Variants in MYBPC1 observed in about 807,000 individuals in gnomAD.
The protein encoded by MYBPC1 is myosin-binding protein C, slow-type.
A neutral mutation model predicts 147.1 loss-of-function variants in MYBPC1; 52 were observed. That is an observed-to-expected ratio of 0.35 (90% CI 0.28 to 0.45). The LOEUF is 0.45. Among genes scored for constraint, MYBPC1 ranks in the 20% least tolerant of loss-of-function variants. The pLI is 1.00. For missense variants in MYBPC1, 1,228 were observed against 1,440.3 expected (o/e 0.85, Z 2.39); for synonymous variants, 477 against 475.9 (o/e 1.00, Z -0.03).
intron 31 of MYBPC1, among the ~76,000 whole-genome samples, chr12:101,684,687 G>T (rs1951246943): frequency 6.6e-6 from 1 of 152,142 alleles, no homozygotes; most frequent in Non-Finnish European, 1.5e-5. Context: ...AGACAAAAAT[G>T]GGTGATACCC....
intron 3 of MYBPC1, among the ~76,000 whole-genome samples, chr12:101,623,878 C>T (rs867976026): frequency 1.3e-5 from 2 of 152,096 alleles, no homozygotes; most frequent in Non-Finnish European, 2.9e-5. Flanking sequence ...TTCTGAATAA[C>T]GGAATTCTTC....
At chr12:101,670,140 C>CACAA (rs1373883742) in intron 23 of MYBPC1, among the ~76,000 whole-genome samples, 181 bp from the exon 24 acceptor site, 1 of 151,712 alleles carries the variant, frequency 6.6e-6, no homozygotes, top group Non-Finnish European at 1.5e-5. Flanking sequence ...CACACACACA[C>CACAA]ACACACACAC....
At position 101,673,438 on chromosome 12, in the gene MYBPC1, A is replaced by G. The variant is rs977849007; in HGVS notation, c.2625A>G (p.Arg875=). 1.2e-6 allele frequency: 2 copies of G among 1,612,588 alleles called. No homozygotes were observed. Among genetic ancestry groups the G allele is most frequent in the African/African-American group, 2.7e-5 (2 of 74,896 alleles). The change falls in exon 25 of 32, where the codon AGA becomes AGG. Residue 875 remains arginine (R), a synonymous_variant. Coordinates refer to ENST00000361466, the MANE Select transcript of MYBPC1 (RefSeq NM_002465.4). ...NLVIPFQGKP[R]PELTWKKDGA... ...GTCTTTCTTTTTAGGGAAAACCAAGACCAGAATTAACTTGGAAGAAGGATG... is the reference window on the plus strand; with the variant it reads ...GTCTTTCTTTTTAGGGAAAACCAAGGCCAGAATTAACTTGGAAGAAGGATG...
chr12:101,624,942 T>G (rs1387282620), intron 3 of MYBPC1, among the ~76,000 whole-genome samples: 1 of 152,016 alleles, frequency 6.6e-6, no homozygotes, highest in East Asian at 1.9e-4. Context: ...GCAGAAGGGA[T>G]GGGTAGTGTT....
chr12:101,660,036 T>A, intron 19 of MYBPC1: 1 of 624,846 alleles, frequency 1.6e-6, no homozygotes. Flanking sequence ...CTCTCCAAAG[T>A]CATATTCCCT....
intron 18 of MYBPC1, among the ~76,000 whole-genome samples, chr12:101,653,578 A>G (rs914647311): frequency 7.9e-5 from 12 of 152,390 alleles, no homozygotes; most frequent in African/African-American, 2.6e-4. Flanking sequence ...GTCACTTTGG[A>G]TAGTAATAAG....
chr12:101,677,514 A>G, intron 27 of MYBPC1, 120 bp downstream of exon 27: 2 of 1,188,400 alleles, frequency 1.7e-6, no homozygotes, highest in Non-Finnish European at 2.4e-6. Context: ...TTGTAAAATT[A>G]TGATAATGGT....
downstream of MYBPC1, among the ~76,000 whole-genome samples, chr12:101,687,289 G>C (rs1355618535): frequency 6.6e-6 from 1 of 151,638 alleles, no homozygotes; most frequent in South Asian, 2.1e-4. Context: ...TGTTCTCATT[G>C]TTCAGCTCCC....
chr12:101,657,451 C>G (rs1895732706), intron 18 of MYBPC1, among the ~76,000 whole-genome samples: 1 of 152,170 alleles, frequency 6.6e-6, no homozygotes, highest in African/African-American at 2.4e-5. Flanking sequence ...GTATAACCCT[C>G]TAGCCGGGCT....
At chr12:101,622,539 A>C (rs1887662853) in intron 3 of MYBPC1, among the ~76,000 whole-genome samples, 1 of 152,188 alleles carries the variant, frequency 6.6e-6, no homozygotes, top group Non-Finnish European at 1.5e-5. Flanking sequence ...GTTTGAGACC[A>C]GCCTAGCCAA....
chr12:101,614,074 T>C (rs1885174323), intron 1 of MYBPC1, among the ~76,000 whole-genome samples: 2 of 152,168 alleles, frequency 1.3e-5, no homozygotes, highest in Admixed American at 1.3e-4. Context: ...GTGTTTCACT[T>C]CATCCTAACA....
chr12:101,682,485 G>T (rs1365415777), intron 29 of MYBPC1, 119 bp from the exon 30 acceptor site: 2 of 908,688 alleles, frequency 2.2e-6, no homozygotes, highest in Non-Finnish European at 1.7e-6. Context: ...AGCTGAAATT[G>T]TTTATCATCA....
At chr12:101,613,347 G>C (rs1019932954) in intron 1 of MYBPC1, among the ~76,000 whole-genome samples, 9 of 152,204 alleles carry the variant, frequency 5.9e-5, no homozygotes, top group Non-Finnish European at 5.9e-5. Context: ...CTTAACAAGA[G>C]TCACTTGTGG....
intron 12 of MYBPC1, among the ~76,000 whole-genome samples, 196 bp downstream of exon 12, chr12:101,644,992 T>C (rs1892771924): frequency 6.6e-6 from 1 of 152,238 alleles, no homozygotes; most frequent in Non-Finnish European, 1.5e-5. Context: ...CCTTTTTTTA[T>C]GTTTAATTCT....
downstream of MYBPC1, among the ~76,000 whole-genome samples, chr12:101,689,361 T>C (rs990297753): frequency 3.9e-5 from 6 of 152,200 alleles, no homozygotes; most frequent in African/African-American, 1.4e-4. Flanking sequence ...GAGATGCCTG[T>C]CATTGTATTA....
At chr12:101,647,194 G>A (rs971284907) in intron 13 of MYBPC1, among the ~76,000 whole-genome samples, 3 of 152,192 alleles carry the variant, frequency 2.0e-5, no homozygotes, top group African/African-American at 7.2e-5. Flanking sequence ...ATCACAAATA[G>A]GTTTCTCTTG....
intron 3 of MYBPC1, among the ~76,000 whole-genome samples, chr12:101,620,920 A>G (rs1887223255): frequency 6.6e-6 from 1 of 152,136 alleles, no homozygotes; most frequent in African/African-American, 2.4e-5. Context: ...TTCACCACAT[A>G]AACTATCGTG....
chr12:101,638,879 A>G (rs1891484031), intron 10 of MYBPC1, among the ~76,000 whole-genome samples: 1 of 152,144 alleles, frequency 6.6e-6, no homozygotes, highest in Non-Finnish European at 1.5e-5. Context: ...TGTTATGTTC[A>G]TTTAGTATAC....
intron 10 of MYBPC1, among the ~76,000 whole-genome samples, chr12:101,638,948 AT>A (rs1891497852): frequency 6.6e-6 from 1 of 150,774 alleles, no homozygotes; most frequent in Non-Finnish European, 1.5e-5. Flanking sequence ...AGTGAGTTGC[AT>A]GCGTTTTCAT....
Sources: gnomAD v4.1 joint callset for allele counts (sites outside exome capture counted in the v4.1 genomes callset) on GRCh38, gnomAD v4.1.1 for gene constraint, MANE v1.5 for transcripts, NCBI Gene and HGNC (gene_info 2026-07-23, HGNC 2026-07-21) for gene names.